Variants in B3GALT1 observed in about 807,000 individuals in gnomAD.
The protein encoded by B3GALT1 is UDP-Gal:betaGlcNAc beta 1,3-galactosyltransferase, polypeptide 1.
A neutral mutation model predicts 23.2 loss-of-function variants in B3GALT1; 10 were observed. That is an observed-to-expected ratio of 0.43 (90% CI 0.27 to 0.73). The LOEUF (loss-of-function observed/expected upper bound fraction) is 0.73, where lower values mean the gene tolerates loss of function less well. Ranked by LOEUF, B3GALT1 falls within the 30% of genes least tolerant of loss-of-function variation. B3GALT1 has a pLI of 0.21. For missense variants in B3GALT1, 299 were observed against 405.4 expected (o/e 0.74, Z 2.25); for synonymous variants, 156 against 141.5 (o/e 1.10, Z -0.73).
chr2:167,825,459 TGCACGTGTGTG>T (rs1689199578), intron 4 of B3GALT1, among the ~76,000 whole-genome samples: 1 of 145,444 alleles, frequency 6.9e-6, no homozygotes, highest in South Asian at 2.2e-4. Context: ...TGTGTGTGCG[TGCACGTGTGTG>T]TGTGTGTTAT....
At chr2:167,605,325 T>C (rs1444718054) in intron 2 of B3GALT1, among the ~76,000 whole-genome samples, 1 of 152,146 alleles carries the variant, frequency 6.6e-6, no homozygotes, top group African/African-American at 2.4e-5. Context: ...TTCTTCTGAG[T>C]ATGTGGATTA....
chr2:167,732,575 GT>G, intron 3 of B3GALT1, among the ~76,000 whole-genome samples: 1 of 152,334 alleles, frequency 6.6e-6, no homozygotes, highest in Middle Eastern at 3.4e-3. Flanking sequence ...TCCATTGTGA[GT>G]TCCCACTCTC....
chr2:167,781,958 G>A (rs554137682), intron 3 of B3GALT1, among the ~76,000 whole-genome samples: 10 of 152,094 alleles, frequency 6.6e-5, no homozygotes, highest in South Asian at 2.1e-4. Flanking sequence ...GGTCAGGCTC[G>A]TCTCGAACTC....
chr2:167,393,943 C>G (rs1034961894), intron 1 of B3GALT1, among the ~76,000 whole-genome samples: 3 of 152,214 alleles, frequency 2.0e-5, no homozygotes, highest in Non-Finnish European at 4.4e-5. Context: ...ATGTATTACT[C>G]TGCATACATC....
At chr2:167,635,701 C>T (rs904360399) in intron 2 of B3GALT1, among the ~76,000 whole-genome samples, 9 of 151,982 alleles carry the variant, frequency 5.9e-5, no homozygotes, top group Admixed American at 5.2e-4. Flanking sequence ...AGAGAGGACA[C>T]AAACAAATGG....
At chr2:167,820,486 A>AG (rs1310105574) in intron 4 of B3GALT1, among the ~76,000 whole-genome samples, 4 of 152,210 alleles carry the variant, frequency 2.6e-5, no homozygotes, top group Non-Finnish European at 5.9e-5. Context: ...TTGCTGTTGC[A>AG]GGACTCCCTG....
At chr2:167,590,637 C>G (rs1277505269) in intron 2 of B3GALT1, among the ~76,000 whole-genome samples, 2 of 152,152 alleles carry the variant, frequency 1.3e-5, no homozygotes. Context: ...CTGTCCTAGG[C>G]TATTTAAGAT....
chr2:167,304,994 C>T (rs1241900340), intron 1 of B3GALT1, among the ~76,000 whole-genome samples: 2 of 152,148 alleles, frequency 1.3e-5, no homozygotes, highest in African/African-American at 2.4e-5. Flanking sequence ...TCTATTCTCA[C>T]CCTCAAAGGA....
intron 3 of B3GALT1, among the ~76,000 whole-genome samples, chr2:167,662,627 C>G (rs1229254965): frequency 6.6e-6 from 1 of 152,118 alleles, no homozygotes; most frequent in African/African-American, 2.4e-5. Flanking sequence ...ACAAAAAGAT[C>G]CTGTTAACAT....
chr2:167,612,340 A>G (rs1685080873), intron 2 of B3GALT1, among the ~76,000 whole-genome samples: 1 of 149,976 alleles, frequency 6.7e-6, no homozygotes, highest in Admixed American at 6.7e-5. Flanking sequence ...CCAGGAGTCA[A>G]ATGGTTTTAG....
intron 2 of B3GALT1, among the ~76,000 whole-genome samples, chr2:167,591,111 T>C (rs1684671816): frequency 6.6e-6 from 1 of 152,218 alleles, no homozygotes; most frequent in Non-Finnish European, 1.5e-5. Flanking sequence ...GATAAATAAG[T>C]GAAATAAATA....
intron 4 of B3GALT1, among the ~76,000 whole-genome samples, chr2:167,857,206 G>T (rs928497004): frequency 9.2e-5 from 14 of 152,158 alleles, no homozygotes; most frequent in Admixed American, 5.9e-4. Context: ...TAAAAATACA[G>T]GTGATGGACA....
At chr2:167,488,164 T>C (rs901892063) in intron 1 of B3GALT1, among the ~76,000 whole-genome samples, 1 of 152,240 alleles carries the variant, frequency 6.6e-6, no homozygotes, top group Admixed American at 6.5e-5. Context: ...TGTTTTGCTT[T>C]GGTCTAAGCA....
chr2:167,844,646 G>T (rs547248119), intron 4 of B3GALT1, among the ~76,000 whole-genome samples: 1 of 152,176 alleles, frequency 6.6e-6, no homozygotes. Flanking sequence ...ACAAGGATCC[G>T]TCGAGAGGGC....
intron 2 of B3GALT1, among the ~76,000 whole-genome samples, chr2:167,568,323 C>G (rs1290952232): frequency 6.6e-6 from 1 of 152,058 alleles, no homozygotes; most frequent in East Asian, 1.9e-4. Flanking sequence ...AAACTGTCTT[C>G]CAAAGTACCT....
chr2:167,457,553 C>T (rs1699190777), intron 1 of B3GALT1, among the ~76,000 whole-genome samples: 1 of 151,878 alleles, frequency 6.6e-6, no homozygotes, highest in African/African-American at 2.4e-5. Context: ...AGAGTGACTT[C>T]CAAAAGTTGA....
intron 4 of B3GALT1, among the ~76,000 whole-genome samples, chr2:167,831,520 C>G (rs1689351336): frequency 6.6e-6 from 1 of 152,084 alleles, no homozygotes; most frequent in Non-Finnish European, 1.5e-5. Context: ...TTGAGGTAAA[C>G]ACTTGTGGCC....
intron 1 of B3GALT1, among the ~76,000 whole-genome samples, chr2:167,399,906 T>C (rs532145702): frequency 6.6e-6 from 1 of 152,264 alleles, no homozygotes; most frequent in South Asian, 2.1e-4. Context: ...ACTAAAAAAG[T>C]AAAAGTCTGA....
chr2:167,498,605 G>A (rs952985049), intron 2 of B3GALT1, among the ~76,000 whole-genome samples: 25 of 152,206 alleles, frequency 1.6e-4, no homozygotes, highest in African/African-American at 5.8e-4. Context: ...TAAAGAATGG[G>A]AACAGATCTT....
Sources: allele counts gnomAD v4.1 joint callset (sites outside exome capture counted in the v4.1 genomes callset), GRCh38; gene constraint gnomAD v4.1.1; transcripts MANE v1.5; gene names NCBI Gene and HGNC (gene_info 2026-07-23, HGNC 2026-07-21).